EXOC4: variants seen among roughly 807,000 people sequenced by gnomAD.
EXOC4 encodes exocyst complex component 4, also known as SEC8-like 1.
Under a neutral mutation model 107.2 loss-of-function variants are expected in EXOC4, and 71 were observed. The ratio of observed to expected loss-of-function variants is 0.66; its 90% CI spans 0.55 to 0.81. The LOEUF is 0.81. Ranked by LOEUF, EXOC4 falls within the 30% of genes least tolerant of loss-of-function variation. The pLI, the probability that EXOC4 is intolerant of heterozygous loss-of-function variation, is 0.00. For synonymous variants in EXOC4, 456 were observed against 441.2 expected (o/e 1.03, Z -0.42); for missense variants, 1,108 against 1,189.6 (o/e 0.93, Z 1.01).
downstream of EXOC4, among the ~76,000 whole-genome samples, chr7:134,069,541 C>T (rs950177626): frequency 1.3e-5 from 2 of 152,084 alleles, no homozygotes; most frequent in African/African-American, 2.4e-5. Context: ...TCTGTTGCCC[C>T]GGCTGGAGTG....
At chr7:133,976,075 G>A (rs1793825733) in intron 14 of EXOC4, among the ~76,000 whole-genome samples, 1 of 152,100 alleles carries the variant, frequency 6.6e-6, no homozygotes. Flanking sequence ...CAAAATGTCC[G>A]GGGGGCCTGC....
At chr7:133,631,896 A>G (rs1049825592) in intron 10 of EXOC4, among the ~76,000 whole-genome samples, 12 of 152,104 alleles carry the variant, frequency 7.9e-5, no homozygotes, top group Non-Finnish European at 7.4e-5. Context: ...TCTAACCTAG[A>G]TTTAATGCCA....
intron 3 of EXOC4, among the ~76,000 whole-genome samples, chr7:133,293,389 C>T (rs1311120908): frequency 2.0e-5 from 3 of 152,102 alleles, no homozygotes; most frequent in Non-Finnish European, 4.4e-5. Context: ...CTCAAGGGTC[C>T]AAATCGAAAT....
intron 9 of EXOC4, among the ~76,000 whole-genome samples, chr7:133,533,099 TC>T (rs930665103): frequency 2.2e-4 from 34 of 152,126 alleles, no homozygotes; most frequent in Admixed American, 6.6e-4. Flanking sequence ...GTCTTTTATC[TC>T]CTTTGTTGCC....
chr7:133,615,491 G>A (rs2151000921), intron 9 of EXOC4, among the ~76,000 whole-genome samples: 1 of 152,216 alleles, frequency 6.6e-6, no homozygotes, highest in African/African-American at 2.4e-5. Context: ...TAACAGTTAA[G>A]TTTTTAGGAA....
At chr7:133,816,952 G>A (rs898403945) in intron 10 of EXOC4, among the ~76,000 whole-genome samples, 3 of 152,162 alleles carry the variant, frequency 2.0e-5, no homozygotes, top group African/African-American at 7.2e-5. Context: ...GACCCCTGAT[G>A]TAAAGGTTTC....
At chr7:133,916,694 A>G (rs1277515910) in intron 12 of EXOC4, among the ~76,000 whole-genome samples, 1 of 152,192 alleles carries the variant, frequency 6.6e-6, no homozygotes, top group African/African-American at 2.4e-5. Context: ...CCCCTGTACT[A>G]AAAGAGATTC....
chr7:133,436,684 G>T (rs1797983494), intron 7 of EXOC4, among the ~76,000 whole-genome samples: 2 of 152,144 alleles, frequency 1.3e-5, no homozygotes, highest in Admixed American at 1.3e-4. Context: ...GTACGAGCCA[G>T]TGGCTTTCAA....
At chr7:133,391,128 C>G (rs574905654) in intron 7 of EXOC4, among the ~76,000 whole-genome samples, 2 of 152,232 alleles carry the variant, frequency 1.3e-5, no homozygotes, top group African/African-American at 4.8e-5. Context: ...GTGAGTGGCA[C>G]AAACATTTTT....
At chr7:133,408,371 ATGG>A (rs1282075046) in intron 7 of EXOC4, among the ~76,000 whole-genome samples, 3 of 147,082 alleles carry the variant, frequency 2.0e-5, no homozygotes, top group Non-Finnish European at 4.5e-5. Context: ...GGTGGAGGTG[ATGG>A]TGGTGATGAT....
intron 10 of EXOC4, among the ~76,000 whole-genome samples, chr7:133,717,369 GT>G (rs1308767694): frequency 6.6e-6 from 1 of 152,138 alleles, no homozygotes; most frequent in East Asian, 1.9e-4. Context: ...AGTTGTAAGT[GT>G]TTTCTCCCTT....
intron 10 of EXOC4, among the ~76,000 whole-genome samples, chr7:133,744,369 C>A (rs1294996766): frequency 6.6e-6 from 1 of 152,094 alleles, no homozygotes; most frequent in Non-Finnish European, 1.5e-5. Flanking sequence ...GTAATAGAGC[C>A]AGGATTTGAA....
chr7:133,886,895 G>C (rs992228026), intron 11 of EXOC4, among the ~76,000 whole-genome samples: 1 of 152,100 alleles, frequency 6.6e-6, no homozygotes, highest in Non-Finnish European at 1.5e-5. Context: ...TTTTTTCCCT[G>C]TAAAAATACC....
At chr7:133,647,959 G>C (rs1229837793) in intron 10 of EXOC4, among the ~76,000 whole-genome samples, 1 of 152,056 alleles carries the variant, frequency 6.6e-6, no homozygotes, top group South Asian at 2.1e-4. Context: ...TTGTTATGTT[G>C]GTCCAGCCCA....
chr7:134,015,855 C>T (rs1794894360), intron 17 of EXOC4, among the ~76,000 whole-genome samples: 1 of 127,442 alleles, frequency 7.8e-6, no homozygotes, highest in Admixed American at 9.0e-5. Context: ...AGCCTAGAGA[C>T]AGAGCAAGAC....
chr7:133,374,296 G>A (rs1584863891), intron 6 of EXOC4, among the ~76,000 whole-genome samples: 1 of 152,066 alleles, frequency 6.6e-6, no homozygotes, highest in Non-Finnish European at 1.5e-5. Context: ...AAGTCAGATT[G>A]CTTGGCAGGT....
chr7:133,867,984 G>A (rs1304618974), intron 11 of EXOC4, among the ~76,000 whole-genome samples: 1 of 152,168 alleles, frequency 6.6e-6, no homozygotes, highest in African/African-American at 2.4e-5. Context: ...AATGTGGTAA[G>A]CAAATGATTG....
chr7:133,989,742 AC>A (rs1466482491), intron 14 of EXOC4, among the ~76,000 whole-genome samples: 1 of 152,218 alleles, frequency 6.6e-6, no homozygotes, highest in East Asian at 1.9e-4. Flanking sequence ...AGATTGTGGC[AC>A]ACTGAAGAGT....
intron 10 of EXOC4, among the ~76,000 whole-genome samples, chr7:133,811,320 G>A (rs1011874130): frequency 1.7e-4 from 26 of 152,274 alleles, no homozygotes; most frequent in Middle Eastern, 3.4e-3. Flanking sequence ...AAAATTCAAT[G>A]TTTTCATACT....
Sources: gnomAD v4.1 joint callset for allele counts (sites outside exome capture counted in the v4.1 genomes callset) on GRCh38, gnomAD v4.1.1 for gene constraint, MANE v1.5 for transcripts, NCBI Gene and HGNC (gene_info 2026-07-23, HGNC 2026-07-21) for gene names.